The following ZDHHC13 variants were observed in gnomAD, a reference collection of about 807,000 sequenced individuals.
ZDHHC13 encodes the protein palmitoyltransferase ZDHHC13.
ZDHHC13 carries 85 observed loss-of-function variants against 86.0 expected under a neutral mutation model. That is an observed-to-expected ratio of 0.99 (90% CI 0.83 to 1.18). ZDHHC13 has a LOEUF of 1.18. Ranked by LOEUF, ZDHHC13 falls within the 50% of genes most tolerant of loss-of-function variation. ZDHHC13 has a pLI of 0.00. For synonymous variants in ZDHHC13, 263 were observed against 246.4 expected, an observed-to-expected ratio of 1.07 and a Z score of -0.63; for missense variants, 711 against 730.2, an observed-to-expected ratio of 0.97 and a Z score of 0.30.
chr11:19,151,608 A>G (rs1168416777), intron 6 of ZDHHC13, among the ~76,000 whole-genome samples: 1 of 152,114 alleles, frequency 6.6e-6, no homozygotes, highest in East Asian at 1.9e-4. Flanking sequence ...TTTTATTAAA[A>G]GAATCTCTTC....
At chr11:19,163,448 A>T (rs763788151) in intron 11 of ZDHHC13, 21 bp downstream of exon 11, 40 of 1,564,734 alleles carry the variant, frequency 2.6e-5, no homozygotes, top group Non-Finnish European at 3.4e-5. Flanking sequence ...TTCGTTACTG[A>T]TATTTTTAAT....
intron 16 of ZDHHC13, 77 bp downstream of exon 16, chr11:19,172,897 C>T: frequency 7.7e-7 from 1 of 1,291,712 alleles, no homozygotes; most frequent in Non-Finnish European, 1.1e-6. Flanking sequence ...GTGCCACTAC[C>T]CATGGCCATG....
chr11:19,129,654 A>G (rs530741366), intron 1 of ZDHHC13, among the ~76,000 whole-genome samples: 3 of 152,248 alleles, frequency 2.0e-5, no homozygotes, highest in African/African-American at 7.2e-5. Flanking sequence ...TTTGATGTAT[A>G]GTCTTTTTTA....
intron 9 of ZDHHC13, among the ~76,000 whole-genome samples, 192 bp from the exon 10 acceptor site, chr11:19,158,748 G>A (rs1849826764): frequency 6.6e-6 from 1 of 152,098 alleles, no homozygotes; most frequent in African/African-American, 2.4e-5. Context: ...GTTTTCTCCT[G>A]TGTAAAATGG....
chr11:19,134,639 T>G (rs970845712), intron 1 of ZDHHC13, among the ~76,000 whole-genome samples: 2 of 149,824 alleles, frequency 1.3e-5, no homozygotes, highest in African/African-American at 4.9e-5. Context: ...TTCTCACTCA[T>G]AAGTGGGAGT....
intron 14 of ZDHHC13, chr11:19,168,390 A>T (rs1850131715): frequency 6.6e-6 from 1 of 152,214 alleles, no homozygotes; most frequent in African/African-American, 2.4e-5. Flanking sequence ...ATTGATAAGG[A>T]CAGAAGTGAT....
In ZDHHC13 at chr11:19,142,015, A is replaced by C. The variant is rs1208002773; in HGVS notation, c.28-963A>C. Among the ~76,000 whole-genome samples the C allele has an allele frequency of 1.3e-5, 2 of 152,126 alleles. 1 individual carries two copies. Among genetic ancestry groups the C allele is most frequent in the Non-Finnish European group, 2.9e-5 (2 of 68,026 alleles). On this transcript the variant is annotated intron_variant, in intron 1 of 16. Coordinates refer to ENST00000446113, the MANE Select transcript of ZDHHC13 (RefSeq NM_019028.3). ...ACTTATTAGCACTATGCTTTAACCA[A>C]CTGAGCTAGCACGCCACCCGTAACA...
chr11:19,142,662 A>G (rs1026218944), intron 1 of ZDHHC13, among the ~76,000 whole-genome samples: 4 of 151,996 alleles, frequency 2.6e-5, no homozygotes, highest in Non-Finnish European at 4.4e-5. Flanking sequence ...TGTAATTTGG[A>G]TTTTTTGTAA....
intron 9 of ZDHHC13, among the ~76,000 whole-genome samples, chr11:19,158,251 G>A (rs998925235): frequency 2.6e-5 from 4 of 151,876 alleles, no homozygotes; most frequent in African/African-American, 7.3e-5. Context: ...ATATATTCAG[G>A]TAAACTATAT....
At chr11:19,134,498 A>G (rs943915879) in intron 1 of ZDHHC13, among the ~76,000 whole-genome samples, 2 of 152,238 alleles carry the variant, frequency 1.3e-5, no homozygotes, top group African/African-American at 2.4e-5. Flanking sequence ...AAAATGTGGC[A>G]CATATTCACC....
Position 19,149,189 on chromosome 11 carries a change from A to G in ZDHHC13, c.377A>G (p.Gln126Arg). 1 of 1,555,046 alleles carries G rather than the reference A, an allele frequency of 6.4e-7. No individual in the cohort carries two copies. The highest frequency in any genetic ancestry group is 1.2e-5 in the South Asian group (1 of 82,888). ...GGCTTTTTGTCTTCTATTTGCAGAC[A>G]AGGACATTTACCTATGGTCATATTA... The part of the protein sequence containing the change: ...NSTPLHWAIR[Q>R]GHLPMVILLL... Residue 126 changes from glutamine (Q) to arginine (R), a missense_variant and splice_region_variant, in exon 5 of 17, where the codon CAA becomes CGA. Physicochemically the swap from Gln to Arg is conservative, Grantham distance 43. Coordinates refer to ENST00000446113, the MANE Select transcript of ZDHHC13 (RefSeq NM_019028.3).
chr11:19,136,389 A>C (rs1395873878), intron 1 of ZDHHC13, among the ~76,000 whole-genome samples: 6 of 152,124 alleles, frequency 3.9e-5, no homozygotes, highest in South Asian at 4.1e-4. Context: ...AATAAAAAGA[A>C]ACGAGCAAAG....
intron 9 of ZDHHC13, among the ~76,000 whole-genome samples, chr11:19,158,419 A>G (rs1849817151): frequency 1.3e-5 from 2 of 152,088 alleles, no homozygotes; most frequent in African/African-American, 4.8e-5. Flanking sequence ...GCCTTTGTGT[A>G]TCTTTTTATA....
Position 19,162,783 on chromosome 11 carries a change from C to A in ZDHHC13, c.1109-520C>A, listed in dbSNP as rs1175462613. Among the ~76,000 whole-genome samples the A allele has an allele frequency of 2.6e-5, 4 of 152,192 alleles. No homozygotes were observed. In the East Asian group the frequency reaches 7.7e-4, roughly 29 times the overall value. ...AGAACTGAACGTATATATTTTGAGTCGTGTGTCGATCAGGATTTCATAAAG... is the reference window on the plus strand; with the variant it reads ...AGAACTGAACGTATATATTTTGAGTAGTGTGTCGATCAGGATTTCATAAAG... On this transcript the variant is annotated intron_variant, in intron 10 of 16. Coordinates refer to ENST00000446113, the MANE Select transcript of ZDHHC13 (RefSeq NM_019028.3).
chr11:19,164,289 C>A lies in ZDHHC13; in HGVS notation c.1234-12C>A. The A allele has an allele frequency of 1.2e-6, 2 of 1,612,528 alleles. No homozygotes were observed. Among genetic ancestry groups the A allele is most frequent in the Non-Finnish European group, 1.7e-6 (2 of 1,179,252 alleles). On this transcript the variant is annotated splice_polypyrimidine_tract_variant and intron_variant, in intron 11 of 16. Coordinates refer to ENST00000446113, the MANE Select transcript of ZDHHC13 (RefSeq NM_019028.3). The stretch of plus-strand genomic sequence containing the variant: ...TAAAATGTGGTAATAGGTCAAACTT[C>A]ATGTCTTTCAGAATATCATCACCCT...
intron 16 of ZDHHC13, among the ~76,000 whole-genome samples, chr11:19,173,137 G>A (rs1850270029): frequency 6.6e-6 from 1 of 152,220 alleles, no homozygotes; most frequent in Admixed American, 6.5e-5. Flanking sequence ...TGGAGTTGAT[G>A]TGAGATAATT....
chr11:19,133,220 G>A (rs190862680), intron 1 of ZDHHC13, among the ~76,000 whole-genome samples: 1,645 of 152,170 alleles, frequency 0.011, 12 homozygotes, highest in Non-Finnish European at 0.016. Flanking sequence ...GTATTAGTAA[G>A]GATTAGAGCA....
At chr11:19,169,937 G>A in intron 14 of ZDHHC13, 1 of 988,484 alleles carries the variant, frequency 1.0e-6, no homozygotes. Flanking sequence ...CTCCCTGCAT[G>A]CTATTAGATT....
At chr11:19,149,940 C>T (rs1180173141) in intron 5 of ZDHHC13, among the ~76,000 whole-genome samples, 1 of 152,208 alleles carries the variant, frequency 6.6e-6, no homozygotes, top group Admixed American at 6.5e-5. Context: ...AATGATTGTG[C>T]TCCCTTTAAA....
Sources: gnomAD v4.1 joint callset for allele counts (sites outside exome capture counted in the v4.1 genomes callset) on GRCh38, gnomAD v4.1.1 for gene constraint, MANE v1.5 for transcripts, NCBI Gene and HGNC (gene_info 2026-07-23, HGNC 2026-07-21) for gene names.